The following KIF6 variants were observed in gnomAD, a reference collection of about 807,000 sequenced individuals.
KIF6 encodes the protein kinesin family member 6, also known as kinesin-like protein KIF6.
A neutral mutation model predicts 112.7 loss-of-function variants in KIF6; 106 were observed. That is an observed-to-expected ratio of 0.94 (90% CI 0.80 to 1.11). The LOEUF (loss-of-function observed/expected upper bound fraction) is 1.11. Among genes scored for constraint, KIF6 ranks in the 50% least tolerant of loss-of-function variants. The pLI is 0.00. For missense variants in KIF6, 929 were observed against 964.0 expected (o/e 0.96, Z 0.48); for synonymous variants, 339 against 339.9 (o/e 1.00, Z 0.03).
At chr6:39,618,240 C>A (rs964116) in intron 5 of KIF6, among the ~76,000 whole-genome samples, 11,069 of 152,230 alleles carry the variant, frequency 0.073, 544 homozygotes, top group South Asian at 0.17. Context: ...TGAGATATTT[C>A]AAAAGCTCTT....
chr6:39,400,173 G>C (rs1768583671), intron 15 of KIF6, among the ~76,000 whole-genome samples: 1 of 152,200 alleles, frequency 6.6e-6, no homozygotes, highest in South Asian at 2.1e-4. Context: ...GCTGTCACAG[G>C]CTGGTGAGTC....
At chr6:39,629,728 G>A (rs1784266513) in intron 5 of KIF6, among the ~76,000 whole-genome samples, 1 of 151,932 alleles carries the variant, frequency 6.6e-6, no homozygotes, top group African/African-American at 2.4e-5. Flanking sequence ...CACTGGTCAT[G>A]CTTTTGGTGT....
At chr6:39,487,468 T>G (rs1235428690) in intron 13 of KIF6, among the ~76,000 whole-genome samples, 1 of 152,210 alleles carries the variant, frequency 6.6e-6, no homozygotes, top group East Asian at 1.9e-4. Flanking sequence ...CCTTTAGCTT[T>G]CCGGCTTGCT....
chr6:39,385,853 T>C (rs1450424930), intron 15 of KIF6, among the ~76,000 whole-genome samples, 181 bp from the exon 16 acceptor site: 1 of 151,830 alleles, frequency 6.6e-6, no homozygotes, highest in Non-Finnish European at 1.5e-5. Flanking sequence ...GAAGAAGAGG[T>C]TGCAAAGGCC....
intron 6 of KIF6, among the ~76,000 whole-genome samples, chr6:39,605,643 A>T (rs1782843744): frequency 6.6e-6 from 1 of 152,142 alleles, no homozygotes; most frequent in African/African-American, 2.4e-5. Flanking sequence ...ACTCAATGCA[A>T]TCTTCGAGTT....
At chr6:39,521,095 C>G (rs1455477030) in intron 13 of KIF6, among the ~76,000 whole-genome samples, 1 of 152,078 alleles carries the variant, frequency 6.6e-6, no homozygotes, top group African/African-American at 2.4e-5. Flanking sequence ...AAATGAAGTG[C>G]TGATTGGAAT....
intron 15 of KIF6, among the ~76,000 whole-genome samples, chr6:39,416,907 A>C (rs1769959591): frequency 6.6e-6 from 1 of 152,076 alleles, no homozygotes; most frequent in East Asian, 1.9e-4. Context: ...TCGGCATCTC[A>C]ATCTTGCCTC....
intron 13 of KIF6, among the ~76,000 whole-genome samples, chr6:39,498,006 C>T (rs1466050667): frequency 6.6e-6 from 1 of 152,138 alleles, no homozygotes; most frequent in Non-Finnish European, 1.5e-5. Context: ...AATTCCCAAA[C>T]TTTAGGTTGC....
intron 2 of KIF6, among the ~76,000 whole-genome samples, chr6:39,717,545 C>T (rs1004950223): frequency 5.9e-5 from 9 of 152,100 alleles, no homozygotes; most frequent in Non-Finnish European, 1.2e-4. Flanking sequence ...CCTCATCCAG[C>T]ACTCCTCATT....
intron 10 of KIF6, among the ~76,000 whole-genome samples, chr6:39,569,693 C>G (rs12111317): frequency 0.011 from 1,685 of 152,280 alleles, 30 homozygotes; most frequent in African/African-American, 0.037. Flanking sequence ...TAAAATCTTT[C>G]CTCTCTGTTT....
At chr6:39,708,388 T>C (rs1021119988) in intron 3 of KIF6, among the ~76,000 whole-genome samples, 2 of 152,184 alleles carry the variant, frequency 1.3e-5, no homozygotes, top group African/African-American at 2.4e-5. Context: ...CTCCTGATAA[T>C]GTTCATCACT....
At chr6:39,600,886 A>G (rs1171192743) in intron 6 of KIF6, among the ~76,000 whole-genome samples, 2 of 152,196 alleles carry the variant, frequency 1.3e-5, no homozygotes, top group African/African-American at 4.8e-5. Context: ...TGTTATAAGC[A>G]AATTTACATG....
intron 13 of KIF6, among the ~76,000 whole-genome samples, chr6:39,516,382 A>T (rs112956118): frequency 0.095 from 14,077 of 148,414 alleles, 778 homozygotes; most frequent in Middle Eastern, 0.16. Context: ...ATATATAATC[A>T]TTATATCTTA....
chr6:39,346,087 C>CTCTCTCTCTCTCT (rs1562112885), intron 20 of KIF6, among the ~76,000 whole-genome samples: 17 of 2,810 alleles, frequency 6.0e-3, no homozygotes, highest in Non-Finnish European at 8.8e-3. Flanking sequence ...TCTCTCTCTC[C>CTCTCTCTCTCTCT]CCCCCCTCTC....
chr6:39,591,985 G>A (rs563675616), intron 7 of KIF6, among the ~76,000 whole-genome samples: 59 of 152,170 alleles, frequency 3.9e-4, no homozygotes, highest in African/African-American at 1.4e-3. Context: ...GGTGGCTGGC[G>A]CCTGTAGTCC....
At chr6:39,345,952 T>C (rs1171147338) in intron 20 of KIF6, among the ~76,000 whole-genome samples, 163 bp from the exon 21 acceptor site, 1 of 151,912 alleles carries the variant, frequency 6.6e-6, no homozygotes, top group Non-Finnish European at 1.5e-5. Flanking sequence ...GTGGGGCCTT[T>C]GGGAGGTGAA....
chr6:39,549,375 A>G (rs971269149), intron 10 of KIF6, among the ~76,000 whole-genome samples: 5 of 152,192 alleles, frequency 3.3e-5, no homozygotes, highest in African/African-American at 4.8e-5. Flanking sequence ...TGCTATTTGC[A>G]TATATCATTT....
At chr6:39,528,217 T>C (rs1777842358) in intron 13 of KIF6, among the ~76,000 whole-genome samples, 2 of 152,212 alleles carry the variant, frequency 1.3e-5, no homozygotes, top group Non-Finnish European at 2.9e-5. Flanking sequence ...TGTGGTATTG[T>C]CTCTCTGTGC....
Position 39,421,373 on chromosome 6 carries a change from T to C in KIF6, c.1755-1370A>G, listed in dbSNP as rs535271336. 1.3e-3 allele frequency among the ~76,000 whole-genome samples: 194 copies of C among 152,368 alleles called. 10 individuals carry two copies. The South Asian group carries it at 0.038, about 30-fold the overall frequency. Reference sequence around the variant, plus strand: ...ACATTTTATTAATTGTCCAGTTTTATTTCAACTATTTCCCCTCCTCCTCCG... The same window carrying C: ...ACATTTTATTAATTGTCCAGTTTTACTTCAACTATTTCCCCTCCTCCTCCG... On this transcript the variant is annotated intron_variant, in intron 14 of 22. Transcript: ENST00000287152.
Sources: gnomAD v4.1 joint callset for allele counts (sites outside exome capture counted in the v4.1 genomes callset) on GRCh38, gnomAD v4.1.1 for gene constraint, MANE v1.5 for transcripts, NCBI Gene and HGNC (gene_info 2026-07-23, HGNC 2026-07-21) for gene names.